The following RFX8 variants were observed in gnomAD, a reference collection of about 807,000 sequenced individuals.
RFX8 encodes the protein regulatory factor X8, also known as DNA-binding protein RFX8.
RFX8 carries 46 observed loss-of-function variants against 54.6 expected under a neutral mutation model. That is an observed-to-expected ratio of 0.84 (90% CI 0.67 to 1.08). The LOEUF (loss-of-function observed/expected upper bound fraction) is 1.08, where lower values mean the gene tolerates loss of function less well. Among genes scored for constraint, RFX8 ranks in the 50% least tolerant of loss-of-function variants. The pLI, the probability that RFX8 is intolerant of heterozygous loss-of-function variation, is 0.00. For missense variants in RFX8, 536 were observed against 562.3 expected, an observed-to-expected ratio of 0.95 and a Z score of 0.47; for synonymous variants, 192 against 209.5, an observed-to-expected ratio of 0.92 and a Z score of 0.72.
At position 101,462,260 on chromosome 2, in the gene RFX8, T is replaced by G. The variant is rs190018910; in HGVS notation, c.72+4517A>C. On this transcript the variant is annotated intron_variant, in intron 2 of 11. Coordinates refer to ENST00000428343, the MANE Select transcript of RFX8 (RefSeq NM_001145664.2). ...CTGGGCAACTTGGCAAAACCCTGTCTCTGCAAACAAAACAAAACAAAATTA... is the reference window on the plus strand; with the variant it reads ...CTGGGCAACTTGGCAAAACCCTGTCGCTGCAAACAAAACAAAACAAAATTA... 4.0e-4 allele frequency among the ~76,000 whole-genome samples: 61 copies of G among 152,260 alleles called. 1 individual carries two copies. The East Asian group carries it at 0.01, about 26-fold the overall frequency.
intron 1 of RFX8, among the ~76,000 whole-genome samples, chr2:101,473,355 C>T (rs74396980): frequency 0.011 from 1,679 of 152,260 alleles, 13 homozygotes; most frequent in Non-Finnish European, 0.018. Context: ...AGAAACCTAG[C>T]CCGGCTGTGT....
At chr2:101,431,477 T>G (rs1015522948) in intron 2 of RFX8, among the ~76,000 whole-genome samples, 1 of 152,188 alleles carries the variant, frequency 6.6e-6, no homozygotes, top group African/African-American at 2.4e-5. Flanking sequence ...TACCCTGATC[T>G]GGTTGGTGTT....
At chr2:101,402,897 C>T (rs1685530542) in intron 10 of RFX8, 145 bp from the exon 11 acceptor site, 1 of 723,436 alleles carries the variant, frequency 1.4e-6, no homozygotes, top group Non-Finnish European at 2.2e-6. Flanking sequence ...CCTGGGTCGG[C>T]CTCTTACGTA....
chr2:101,474,130 T>C (rs1413481062), intron 1 of RFX8: 8 of 556,734 alleles, frequency 1.4e-5, no homozygotes, highest in African/African-American at 4.0e-5. Flanking sequence ...AGGGCAGCCG[T>C]AGCGGGAACC....
At chr2:101,438,139 G>C (rs1467322644) in intron 2 of RFX8, among the ~76,000 whole-genome samples, 3 of 151,910 alleles carry the variant, frequency 2.0e-5, no homozygotes, top group African/African-American at 7.2e-5. Context: ...AATCACATTG[G>C]GATAAATGGG....
At chr2:101,416,824 A>T (rs1218682185) in intron 6 of RFX8, among the ~76,000 whole-genome samples, 2 of 152,184 alleles carry the variant, frequency 1.3e-5, no homozygotes, top group African/African-American at 4.8e-5. Flanking sequence ...TCGCGCTTGG[A>T]AGCCACTGCA....
intron 2 of RFX8, among the ~76,000 whole-genome samples, chr2:101,465,525 AAAAC>A (rs889735032): frequency 3.3e-5 from 5 of 152,190 alleles, no homozygotes; most frequent in South Asian, 2.1e-4. Flanking sequence ...GCAAAAAACA[AAAAC>A]AAACAAACAA....
At chr2:101,471,246 A>T (rs1689971146) in intron 1 of RFX8, among the ~76,000 whole-genome samples, 1 of 151,966 alleles carries the variant, frequency 6.6e-6, no homozygotes, top group Non-Finnish European at 1.5e-5. Context: ...AGGTAGGAGA[A>T]TCACTTGAAC....
At chr2:101,416,108 A>T (rs188110069) in intron 6 of RFX8, among the ~76,000 whole-genome samples, 93 of 151,224 alleles carry the variant, frequency 6.1e-4, no homozygotes, top group African/African-American at 2.2e-3. Flanking sequence ...AGAGTGGGCC[A>T]TCTGGGCAGT....
intron 2 of RFX8, among the ~76,000 whole-genome samples, chr2:101,460,947 G>C (rs895700364): frequency 1.3e-5 from 2 of 151,696 alleles, no homozygotes; most frequent in Non-Finnish European, 2.9e-5. Flanking sequence ...GTCTTTCAGG[G>C]AAGGAGAATC....
chr2:101,398,400 C>A (rs543877864), intron 11 of RFX8, among the ~76,000 whole-genome samples: 2 of 152,132 alleles, frequency 1.3e-5, no homozygotes, highest in African/African-American at 2.4e-5. Context: ...AAGGCACCCA[C>A]GGTCTCCATG....
intron 6 of RFX8, among the ~76,000 whole-genome samples, chr2:101,417,064 C>T (rs968709628): frequency 6.6e-6 from 1 of 152,160 alleles, no homozygotes. Flanking sequence ...GCACAAAAAT[C>T]CATCACCAGC....
chr2:101,467,396 G>A (rs1357635043), intron 1 of RFX8, among the ~76,000 whole-genome samples: 2 of 152,158 alleles, frequency 1.3e-5, no homozygotes, highest in African/African-American at 4.8e-5. Flanking sequence ...TCTGATCCCT[G>A]TTCCTCTGAA....
Position 101,418,969 on chromosome 2 carries a change from GGTAA to G in RFX8, c.238-9_238-6del. ...GGAAGTAAGCAAGTCCTCCACCTGG[GGTAA>G]GTAACAGAGCATATCGCCAAAACTC... On this transcript the variant is annotated splice_polypyrimidine_tract_variant and splice_region_variant and intron_variant, in intron 4 of 11. Coordinates refer to ENST00000428343, the MANE Select transcript of RFX8 (RefSeq NM_001145664.2). The G allele has an allele frequency of 2.0e-6, 3 of 1,509,056 alleles. No homozygotes were observed. The highest frequency in any genetic ancestry group is 2.5e-5 in the East Asian group (1 of 40,718). 93.5% of individuals were successfully genotyped at this position (1,509,056 alleles called of 1,614,324 possible).
chr2:101,446,124 T>G (rs17034567), intron 2 of RFX8, among the ~76,000 whole-genome samples: 19,365 of 152,104 alleles, frequency 0.13, 1,697 homozygotes, highest in African/African-American at 0.25. Context: ...AAAAAAAAAT[T>G]TCTTAGTTGG....
chr2:101,453,852 A>G (rs903824314), intron 2 of RFX8, among the ~76,000 whole-genome samples: 3 of 152,124 alleles, frequency 2.0e-5, no homozygotes, highest in African/African-American at 7.2e-5. Context: ...TGAGAATGCT[A>G]TAATTTTACC....
chr2:101,402,653 A>C lies in RFX8; in HGVS notation c.1028T>G (p.Val343Gly). Residue 343 changes from valine (V) to glycine (G), a missense_variant, in exon 11 of 12, where the codon GTC (valine) becomes GGC (glycine). By Grantham distance (109) the Val-to-Gly change is moderately radical. Coordinates refer to ENST00000428343, the MANE Select transcript of RFX8 (RefSeq NM_001145664.2). Reference sequence around the variant, plus strand: ...CGGGTCATCTGGTAGCATTTCCTTGACAGTCCCCATGTCCTCCTCCTCCTC... The same window carrying C: ...CGGGTCATCTGGTAGCATTTCCTTGCCAGTCCCCATGTCCTCCTCCTCCTC... The part of the protein sequence containing the change: ...EEEEEEDMGT[V>G]KEMLPDDPTL... 2 of 1,554,480 alleles carry C rather than the reference A, an allele frequency of 1.3e-6. No individual in the cohort carries two copies. The highest frequency in any genetic ancestry group is 1.7e-6 in the Non-Finnish European group (2 of 1,148,248).
chr2:101,461,528 C>T (rs1689280080), intron 2 of RFX8, among the ~76,000 whole-genome samples: 1 of 152,096 alleles, frequency 6.6e-6, no homozygotes, highest in Non-Finnish European at 1.5e-5. Context: ...CAGATTCTAG[C>T]CCTGAGAAAT....
chr2:101,449,665 C>T (rs1006069470), intron 2 of RFX8, among the ~76,000 whole-genome samples: 1 of 152,036 alleles, frequency 6.6e-6, no homozygotes, highest in African/African-American at 2.4e-5. Context: ...TGGAAATGTC[C>T]AGTAGAGAGC....
Sources: allele counts gnomAD v4.1 joint callset (sites outside exome capture counted in the v4.1 genomes callset), GRCh38; gene constraint gnomAD v4.1.1; transcripts MANE v1.5; gene names NCBI Gene and HGNC (gene_info 2026-07-23, HGNC 2026-07-21).